ANXA2: variants seen among roughly 807,000 people sequenced by gnomAD.
ANXA2 encodes annexin A2, also known as annexin II.
In ANXA2, 28 loss-of-function variants were observed where a neutral mutation model predicts 47.3. The observed-to-expected ratio is 0.59, with a 90% CI of 0.44 to 0.81. The LOEUF (loss-of-function observed/expected upper bound fraction) is 0.81, where lower values mean the gene tolerates loss of function less well. ANXA2 is among the 40% of genes least tolerant of loss of function. ANXA2 has a pLI of 0.00. For missense variants in ANXA2, 384 were observed against 414.3 expected (o/e 0.93, Z 0.64); for synonymous variants, 172 against 155.5 (o/e 1.11, Z -0.79).
In ANXA2 at chr15:60,349,853, T is replaced by A. The variant is rs369527440; in HGVS notation, c.838-656A>T. On this transcript the variant is annotated intron_variant, in intron 11 of 12. Coordinates refer to ENST00000451270, the MANE Select transcript of ANXA2 (RefSeq NM_004039.3). ...GGGAGGGGAAGGAAAGGGAGGGAGG[T>A]GAAGGCAGGGAGGCAGGGGAAGGCA... Among the ~76,000 whole-genome samples the A allele has an allele frequency of 5.5e-3, 217 of 39,400 alleles. 1 individual carries two copies. Among genetic ancestry groups the A allele is most frequent in the South Asian group, 0.021 (23 of 1,098 alleles). 25.8% of individuals were successfully genotyped at this position (39,400 alleles called of 152,430 possible).
chr15:60,388,239 C>G (rs2062959614), intron 1 of ANXA2, among the ~76,000 whole-genome samples: 1 of 151,874 alleles, frequency 6.6e-6, no homozygotes, highest in South Asian at 2.1e-4. Flanking sequence ...GCAGAACCGT[C>G]CAATACAGTA....
chr15:60,364,565 AGT>A, intron 3 of ANXA2, 42 bp from the exon 4 acceptor site: 1 of 1,515,844 alleles, frequency 6.6e-7, no homozygotes. Flanking sequence ...AGTATACTCT[AGT>A]ATTTTGGGCT....
At chr15:60,349,305 C>A in intron 11 of ANXA2, 108 bp from the exon 12 acceptor site, 1 of 1,300,450 alleles carries the variant, frequency 7.7e-7, no homozygotes, top group Non-Finnish European at 1.1e-6. Flanking sequence ...TAAAATGCTC[C>A]AAAATCCAAA....
In ANXA2 at chr15:60,349,147, A is replaced by G. The variant is rs139727531; in HGVS notation, c.888T>C (p.Ser296=). 3.0e-5 allele frequency: 49 copies of G among 1,614,024 alleles called. No homozygotes were observed. In the African/African-American group the frequency reaches 5.3e-4, roughly 18 times the overall value. ...KVLIRIMVSR[S]EVDMLKIRSE... ...ACCTAATTTTCAACATGTCCACTTCACTGCGGGAGACCATGATTCTGATCA... is the reference window on the plus strand; with the variant it reads ...ACCTAATTTTCAACATGTCCACTTCGCTGCGGGAGACCATGATTCTGATCA... Residue 296 remains serine, a synonymous_variant, in exon 12 of 13, where the codon AGT becomes AGC. Coordinates refer to ENST00000451270, the MANE Select transcript of ANXA2 (RefSeq NM_004039.3).
chr15:60,364,506 T>G lies in ANXA2; in HGVS notation c.166A>C (p.Ile56Leu). ...IKTKGVDEVT[I>L]VNILTNRSNA... The stretch of plus-strand genomic sequence containing the variant: ...CTGCGGTTGGTCAAAATGTTGACAA[T>G]GGTGACCTCATCCACACCTATGGAA... Residue 56 changes from isoleucine (I) to leucine (L), a missense_variant, in exon 4 of 13, where the codon ATT becomes CTT. Coordinates refer to ENST00000451270, the MANE Select transcript of ANXA2 (RefSeq NM_004039.3). 1 of 1,613,282 alleles carries G rather than the reference T, an allele frequency of 6.2e-7. No homozygotes were observed. The highest frequency in any genetic ancestry group is 1.1e-5 in the South Asian group (1 of 90,860).
intron 3 of ANXA2, among the ~76,000 whole-genome samples, chr15:60,369,955 T>C (rs1223530412): frequency 6.6e-6 from 1 of 152,180 alleles, no homozygotes; most frequent in Admixed American, 6.5e-5. Context: ...CCCACACTCT[T>C]AGCCAACGAC....
chr15:60,373,053 G>C (rs12913703), intron 3 of ANXA2, among the ~76,000 whole-genome samples: 2 of 152,202 alleles, frequency 1.3e-5, no homozygotes, highest in East Asian at 3.9e-4. Context: ...TGCATTAAAA[G>C]TTTAGTATAT....
intron 1 of ANXA2, chr15:60,395,507 C>T (rs1011953009): frequency 1.3e-5 from 2 of 152,154 alleles, no homozygotes; most frequent in Non-Finnish European, 2.9e-5. Context: ...GCATTAGTGC[C>T]AGATTCTAGG....
chr15:60,353,168 T>C (rs1390086597), intron 8 of ANXA2, among the ~76,000 whole-genome samples: 5 of 152,210 alleles, frequency 3.3e-5, no homozygotes, highest in Non-Finnish European at 7.3e-5. Flanking sequence ...TTTAAATTAA[T>C]TTTTTTCTGC....
intron 1 of ANXA2, among the ~76,000 whole-genome samples, chr15:60,387,332 C>A (rs1481468072): frequency 6.6e-6 from 1 of 152,240 alleles, no homozygotes; most frequent in Non-Finnish European, 1.5e-5. Flanking sequence ...CCACTTCCCC[C>A]ACACTCACAA....
At chr15:60,355,815 G>T (rs1213661660) in intron 7 of ANXA2, 104 bp downstream of exon 7, 1 of 987,444 alleles carries the variant, frequency 1.0e-6, no homozygotes, top group Non-Finnish European at 1.6e-6. Flanking sequence ...CTGAATTTCT[G>T]ATGCAGGCAC....
At chr15:60,392,998 C>A in intron 1 of ANXA2, 2 of 1,274,818 alleles carry the variant, frequency 1.6e-6, no homozygotes, top group Non-Finnish European at 2.0e-6. Context: ...CCACTGTACT[C>A]CATCCTCCAC....
chr15:60,382,605 A>G (rs2062878096), intron 2 of ANXA2, 164 bp from the exon 3 acceptor site: 1 of 474,278 alleles, frequency 2.1e-6, no homozygotes, highest in East Asian at 3.3e-5. Flanking sequence ...TCACGCAAGC[A>G]ATTTCATTTT....
At chr15:60,351,299 C>G (rs772337332) in intron 10 of ANXA2, 48 bp from the exon 11 acceptor site, 2 of 1,591,044 alleles carry the variant, frequency 1.3e-6, no homozygotes, top group Non-Finnish European at 1.7e-6. Context: ...TCTGGTCTCT[C>G]CTCTACCAAT....
intron 5 of ANXA2, among the ~76,000 whole-genome samples, chr15:60,359,075 A>G (rs1281314194): frequency 6.6e-6 from 1 of 152,190 alleles, no homozygotes; most frequent in East Asian, 1.9e-4. Context: ...CAGAAGTCAA[A>G]ACAGATTTTT....
Position 60,351,183 on chromosome 15 carries a change from C to G in ANXA2, c.837+10G>C. 6.2e-7 allele frequency: 1 copy of G among 1,613,990 alleles called. No homozygotes were observed. Among genetic ancestry groups the G allele is most frequent in the Non-Finnish European group, 8.5e-7 (1 of 1,179,852 alleles). ...GTGGAAACACAGCTCTCTCAGCCAG[C>G]TGCCCTTACCTTCATGGAGTCATAC... is the stretch of plus-strand genomic sequence containing the variant. On this transcript the variant is annotated intron_variant, in intron 11 of 12. Transcript: ENST00000451270.
chr15:60,362,521 C>G (rs1258971892), intron 4 of ANXA2: 2 of 152,226 alleles, frequency 1.3e-5, no homozygotes, highest in African/African-American at 4.8e-5. Flanking sequence ...CTCCCAGCTC[C>G]TCTCCACTCT....
chr15:60,375,511 C>A (rs1355664196), intron 3 of ANXA2, among the ~76,000 whole-genome samples: 1 of 152,182 alleles, frequency 6.6e-6, no homozygotes, highest in African/African-American at 2.4e-5. Context: ...CTGTGTTGTA[C>A]ACGCCATCGT....
intron 5 of ANXA2, among the ~76,000 whole-genome samples, chr15:60,357,862 T>C (rs1266690907): frequency 6.6e-6 from 1 of 152,098 alleles, no homozygotes; most frequent in African/African-American, 2.4e-5. Context: ...AAACTGGCAA[T>C]TGCCTTTTGC....
Sources: gnomAD v4.1 joint callset for allele counts (sites outside exome capture counted in the v4.1 genomes callset) on GRCh38, gnomAD v4.1.1 for gene constraint, MANE v1.5 for transcripts, NCBI Gene and HGNC (gene_info 2026-07-23, HGNC 2026-07-21) for gene names.